ADAM20: variants seen among roughly 807,000 people sequenced by gnomAD.
ADAM20 encodes the protein disintegrin and metalloproteinase domain-containing protein 20.
For synonymous variants in ADAM20, 305 were observed against 310.2 expected (o/e 0.98, Z 0.18); for missense variants, 871 against 883.2 (o/e 0.99, Z 0.18).
At chr14:70,531,757 C>T (rs1348368994) in intron 1 of ADAM20, among the ~76,000 whole-genome samples, 1 of 151,774 alleles carries the variant, frequency 6.6e-6, no homozygotes, top group Non-Finnish European at 1.5e-5. Flanking sequence ...ACAATAGCAT[C>T]AGAAAGAATA....
chr14:70,565,407 C>T, the ADAM20 span, among the ~76,000 whole-genome samples: 1 of 151,972 alleles, frequency 6.6e-6, no homozygotes, highest in Non-Finnish European at 1.5e-5. Context: ...AAATGAACAT[C>T]CAGATTCATG....
chr14:70,535,301 TTAACCATACAA>T (rs1247696928), upstream of ADAM20, among the ~76,000 whole-genome samples: 1 of 152,172 alleles, frequency 6.6e-6, no homozygotes, highest in African/African-American at 2.4e-5. Context: ...CTCCTTTGTT[TTAACCATACAA>T]CCAAGCTCAC....
In ADAM20 at chr14:70,522,754, A is replaced by G. The variant is rs1883479836; in HGVS notation, c.2004T>C (p.Tyr668=). 1.2e-6 allele frequency: 2 copies of G among 1,613,954 alleles called. No individual in the cohort carries two copies. Among genetic ancestry groups the G allele is most frequent in the African/African-American group, 1.3e-5 (1 of 74,918 alleles). The change falls in exon 2 of 2, where the codon TAT becomes TAC. Residue 668 remains tyrosine, a synonymous_variant. Coordinates refer to ENST00000256389, the MANE Select transcript of ADAM20 (RefSeq NM_003814.5). ...GTGGGCCACTATCAGCACTACCTCC[A>G]TAGCCTTTGTCCTTGCAGTATGGGG... ...WAPPYCKDKG[Y]GGSADSGPPP...
At chr14:70,577,818 G>A in the ADAM20 span, among the ~76,000 whole-genome samples, 2 of 152,000 alleles carry the variant, frequency 1.3e-5, no homozygotes, top group Non-Finnish European at 2.9e-5. Flanking sequence ...TGGGAAAACC[G>A]GATATACACA....
At chr14:70,534,739 G>A (rs946917595) in intron 1 of ADAM20, 58 bp downstream of exon 1, 5 of 152,126 alleles carry the variant, frequency 3.3e-5, no homozygotes, top group East Asian at 1.9e-4. Context: ...CTAGAGGTAT[G>A]CTGTACAATA....
the ADAM20 span, among the ~76,000 whole-genome samples, chr14:70,566,549 T>A: frequency 6.6e-6 from 1 of 151,440 alleles, no homozygotes; most frequent in African/African-American, 2.4e-5. Context: ...CAGAAAAAAA[T>A]TAATGAAATA....
chr14:70,553,525 T>TAAAAAAA, the ADAM20 span, among the ~76,000 whole-genome samples: 10 of 56,978 alleles, frequency 1.8e-4, no homozygotes, highest in East Asian at 8.9e-4. Context: ...GCAAAAATCC[T>TAAAAAAA]AAAAAAAAAA....
At chr14:70,546,115 T>G in the ADAM20 span, among the ~76,000 whole-genome samples, 1 of 152,116 alleles carries the variant, frequency 6.6e-6, no homozygotes, top group Non-Finnish European at 1.5e-5. Flanking sequence ...CTGTGATCAA[T>G]GAAGAAATTA....
the ADAM20 span, among the ~76,000 whole-genome samples, chr14:70,573,470 A>C: frequency 6.6e-6 from 1 of 152,130 alleles, no homozygotes. Context: ...AAAACTACCT[A>C]TTGGGTACTA....
Position 70,523,971 on chromosome 14 carries a change from A to T in ADAM20, c.787T>A (p.Ser263Thr). The change falls in exon 2 of 2, where the codon TCA (serine) becomes ACA (threonine). Residue 263 changes from serine (S) to threonine (T), a missense_variant. Transcript: ENST00000256389. ...TCTCCACTGGTAGGAAGTGGATTTGATGCAGTCCATATATCAATTCCAGTC... is the reference window on the plus strand; with the variant it reads ...TCTCCACTGGTAGGAAGTGGATTTGTTGCAGTCCATATATCAATTCCAGTC... ...ILTGIDIWTA[S>T]NPLPTSGDLD... The T allele has an allele frequency of 6.2e-7, 1 of 1,614,042 alleles. No individual in the cohort carries two copies. Among genetic ancestry groups the T allele is most frequent in the Non-Finnish European group, 8.5e-7 (1 of 1,179,960 alleles).
At chr14:70,536,841 C>T (rs1883847797), upstream of ADAM20, among the ~76,000 whole-genome samples, 2 of 151,672 alleles carry the variant, frequency 1.3e-5, no homozygotes, top group African/African-American at 4.9e-5. Context: ...TCCAACCCTG[C>T]CATAAACTTC....
At chr14:70,563,028 G>T in the ADAM20 span, among the ~76,000 whole-genome samples, 1 of 152,140 alleles carries the variant, frequency 6.6e-6, no homozygotes, top group Non-Finnish European at 1.5e-5. Flanking sequence ...AACGAAACTT[G>T]ACAACTTTCA....
chr14:70,533,999 C>T (rs1289521021), intron 1 of ADAM20, among the ~76,000 whole-genome samples: 1 of 144,084 alleles, frequency 6.9e-6, no homozygotes, highest in African/African-American at 2.6e-5. Flanking sequence ...AGGATAATCG[C>T]TTGAGCCTGG....
rs749282323 is a variant in ADAM20 at position 70,524,200 on chromosome 14, C to G, written c.558G>C (p.Leu186Phe). 6.2e-7 allele frequency: 1 copy of G among 1,613,896 alleles called. No homozygotes were observed. The highest frequency in any genetic ancestry group is 1.1e-5 in the South Asian group (1 of 91,074). ...TCAGAGTGAAATTATATGACAATTG[C>G]AACTCCATCTGGTGTGCTATTTTCT... is the stretch of plus-strand genomic sequence containing the variant. Reference protein sequence around the residue: ...TEEKIAHQMELQLSYNFTLKQ... With the variant: ...TEEKIAHQMEFQLSYNFTLKQ... Residue 186 changes from leucine (L) to phenylalanine (F), a missense_variant, in exon 2 of 2, where the codon TTG becomes TTC. Transcript: ENST00000256389.
At chr14:70,569,052 A>C in the ADAM20 span, among the ~76,000 whole-genome samples, 1 of 152,192 alleles carries the variant, frequency 6.6e-6, no homozygotes, top group African/African-American at 2.4e-5. Context: ...CCTATAAAGG[A>C]AGTCCCATCA....
At chr14:70,539,220 T>C (rs1883897242), upstream of ADAM20, among the ~76,000 whole-genome samples, 1 of 151,704 alleles carries the variant, frequency 6.6e-6, no homozygotes, top group African/African-American at 2.4e-5. Flanking sequence ...CTCCTGATTA[T>C]TGTAAATACA....
upstream of ADAM20, among the ~76,000 whole-genome samples, chr14:70,538,849 G>C (rs957481638): frequency 6.6e-6 from 1 of 152,208 alleles, no homozygotes; most frequent in Non-Finnish European, 1.5e-5. Context: ...CCAGGTTGGA[G>C]TGCAGTGGCA....
At chr14:70,559,065 A>G in the ADAM20 span, among the ~76,000 whole-genome samples, 5 of 152,322 alleles carry the variant, frequency 3.3e-5, no homozygotes, top group South Asian at 6.2e-4. Context: ...GCCAAAATGT[A>G]TATCTCCTGC....
the ADAM20 span, among the ~76,000 whole-genome samples, chr14:70,554,768 T>C: frequency 6.6e-6 from 1 of 152,138 alleles, no homozygotes; most frequent in Non-Finnish European, 1.5e-5. Context: ...TGGGAAGACA[T>C]TGGTCAAGGA....
Sources: gnomAD v4.1 joint callset for allele counts (sites outside exome capture counted in the v4.1 genomes callset) on GRCh38, gnomAD v4.1.1 for gene constraint, MANE v1.5 for transcripts, NCBI Gene and HGNC (gene_info 2026-07-23, HGNC 2026-07-21) for gene names.